Variants in EPHA7 observed in about 807,000 individuals in gnomAD.
EPHA7 encodes ephrin type-A receptor 7.
Under a neutral mutation model 112.6 loss-of-function variants are expected in EPHA7, and 25 were observed. The ratio of observed to expected loss-of-function variants is 0.22; its 90% CI spans 0.16 to 0.31. EPHA7 has a LOEUF of 0.31. Ranked by LOEUF, EPHA7 falls within the 10% of genes least tolerant of loss-of-function variation. The pLI, the probability that EPHA7 is intolerant of heterozygous loss-of-function variation, is 1.00. For synonymous variants in EPHA7, 437 were observed against 406.5 expected (o/e 1.07, Z -0.90); for missense variants, 962 against 1,212.6 (o/e 0.79, Z 3.07).
chr6:93,259,147 A>C (rs1423833268), intron 10 of EPHA7, among the ~76,000 whole-genome samples: 1 of 151,998 alleles, frequency 6.6e-6, no homozygotes, highest in Non-Finnish European at 1.5e-5. Flanking sequence ...AGAAAACCAA[A>C]AATATATGGA....
chr6:93,380,556 T>C (rs1160606887), intron 3 of EPHA7, among the ~76,000 whole-genome samples: 1 of 152,094 alleles, frequency 6.6e-6, no homozygotes, highest in African/African-American at 2.4e-5. Flanking sequence ...TACACATTAG[T>C]TCAGGAAAGT....
At chr6:93,345,083 G>T (rs1330797098) in intron 5 of EPHA7, among the ~76,000 whole-genome samples, 1 of 151,580 alleles carries the variant, frequency 6.6e-6, no homozygotes, top group Non-Finnish European at 1.5e-5. Flanking sequence ...GTCTATACAT[G>T]TCTATACACA....
intron 5 of EPHA7, among the ~76,000 whole-genome samples, chr6:93,336,484 C>G (rs933598606): frequency 6.6e-6 from 1 of 152,150 alleles, no homozygotes; most frequent in Non-Finnish European, 1.5e-5. Flanking sequence ...CTCACTGTAA[C>G]CACTGCCTCC....
At chr6:93,362,997 A>AT (rs1162792043) in intron 3 of EPHA7, among the ~76,000 whole-genome samples, 1 of 152,048 alleles carries the variant, frequency 6.6e-6, no homozygotes, top group African/African-American at 2.4e-5. Flanking sequence ...TAATGGACTG[A>AT]TTTTTTGGAA....
intron 5 of EPHA7, among the ~76,000 whole-genome samples, chr6:93,311,516 C>A (rs1026078441): frequency 2.6e-5 from 4 of 152,116 alleles, no homozygotes; most frequent in African/African-American, 9.7e-5. Flanking sequence ...TCAGTCATAT[C>A]TTCAGCATCT....
At chr6:93,264,528 A>G in intron 8 of EPHA7, 66 bp downstream of exon 8, 1 of 1,001,442 alleles carries the variant, frequency 1.0e-6, no homozygotes, top group Non-Finnish European at 1.5e-6. Flanking sequence ...ACTAAGTAAT[A>G]GGCTGACATA....
At chr6:93,338,535 C>T (rs750270774) in intron 5 of EPHA7, among the ~76,000 whole-genome samples, 28 of 151,900 alleles carry the variant, frequency 1.8e-4, no homozygotes, top group Non-Finnish European at 3.1e-4. Flanking sequence ...CCCAGTTTGG[C>T]TATAAATAGG....
At chr6:93,270,104 G>C (rs1414892364) in intron 6 of EPHA7, among the ~76,000 whole-genome samples, 1 of 151,478 alleles carries the variant, frequency 6.6e-6, no homozygotes, top group Non-Finnish European at 1.5e-5. Context: ...ATTAAATCAA[G>C]AAATTCAGAT....
chr6:93,378,507 G>A (rs1777171901), intron 3 of EPHA7, among the ~76,000 whole-genome samples: 2 of 152,042 alleles, frequency 1.3e-5, no homozygotes, highest in South Asian at 4.1e-4. Context: ...GAAAATCTTT[G>A]AGAAGGGAAA....
chr6:93,383,811 C>T (rs1777468486), intron 3 of EPHA7, among the ~76,000 whole-genome samples: 1 of 152,136 alleles, frequency 6.6e-6, no homozygotes, highest in Non-Finnish European at 1.5e-5. Context: ...CATCTGCCCA[C>T]TTCAGCTTTC....
intron 5 of EPHA7, among the ~76,000 whole-genome samples, chr6:93,329,455 C>CTG (rs1441001826): frequency 6.6e-6 from 1 of 151,344 alleles, no homozygotes; most frequent in Non-Finnish European, 1.5e-5. Context: ...CTAGCAACAG[C>CTG]ATATGGGCCA....
chr6:93,251,312 T>C (rs1394032312), intron 14 of EPHA7, among the ~76,000 whole-genome samples: 2 of 151,928 alleles, frequency 1.3e-5, no homozygotes, highest in Non-Finnish European at 2.9e-5. Flanking sequence ...TATATTATAT[T>C]TTCCAAGCCC....
At chr6:93,414,431 C>T (rs769027951) in intron 2 of EPHA7, among the ~76,000 whole-genome samples, 7 of 151,820 alleles carry the variant, frequency 4.6e-5, no homozygotes, top group Non-Finnish European at 7.4e-5. Flanking sequence ...AATTAGTTAG[C>T]ATTTACAGCC....
intron 9 of EPHA7, among the ~76,000 whole-genome samples, chr6:93,262,691 G>C (rs1770745055): frequency 6.6e-6 from 1 of 151,338 alleles, no homozygotes; most frequent in Admixed American, 6.6e-5. Context: ...ATTTGTATTT[G>C]TGTTACATAA....
intron 5 of EPHA7, among the ~76,000 whole-genome samples, chr6:93,320,569 A>T (rs1315974602): frequency 2.0e-5 from 3 of 152,002 alleles, no homozygotes; most frequent in Non-Finnish European, 1.5e-5. Flanking sequence ...GCTAGAAAAA[A>T]CAAGTTCTGT....
In EPHA7 at chr6:93,258,216, T is replaced by G; in HGVS notation, c.1993A>C (p.Lys665Gln). 2.5e-6 allele frequency: 4 copies of G among 1,613,404 alleles called. No individual in the cohort carries two copies. Among genetic ancestry groups the G allele is most frequent in the Non-Finnish European group, 3.4e-6 (4 of 1,179,610 alleles). ...TCTGTGTAACCAACTTTCAGGGTTT[T>G]TATGGCTACTGCAACATCTCTTTTC... is the stretch of plus-strand genomic sequence containing the variant. ...PGKRDVAVAI[K>Q]TLKVGYTEKQ... Residue 665 changes from lysine to glutamine, a missense_variant, in exon 11 of 17, where the codon AAA becomes CAA. This residue lies in a region of EPHA7 where 746 missense variants were observed against 889.2 expected (regional missense o/e 0.84). Transcript: ENST00000369303.
At chr6:93,364,517 A>G (rs934434369) in intron 3 of EPHA7, among the ~76,000 whole-genome samples, 1 of 142,266 alleles carries the variant, frequency 7.0e-6, no homozygotes, top group Non-Finnish European at 1.5e-5. Flanking sequence ...CTTAGGCGAC[A>G]GGAGCGAAAC....
chr6:93,336,441 T>C (rs1365514773), intron 5 of EPHA7, among the ~76,000 whole-genome samples: 1 of 152,182 alleles, frequency 6.6e-6, no homozygotes, highest in Non-Finnish European at 1.5e-5. Flanking sequence ...CTCATTATGT[T>C]GCCCAGGCTG....
chr6:93,316,520 G>T (rs911122201), intron 5 of EPHA7, among the ~76,000 whole-genome samples: 1 of 152,058 alleles, frequency 6.6e-6, no homozygotes, highest in East Asian at 1.9e-4. Flanking sequence ...TCTAGATAGT[G>T]TGTAACACTA....
Sources: gnomAD v4.1 joint callset for allele counts (sites outside exome capture counted in the v4.1 genomes callset) on GRCh38, gnomAD v4.1.1 for gene constraint, gnomAD v4.1.1 regional missense constraint, MANE v1.5 for transcripts, NCBI Gene and HGNC (gene_info 2026-07-23, HGNC 2026-07-21) for gene names.